SCMH1: variants seen among roughly 807,000 people sequenced by gnomAD.
SCMH1 encodes polycomb protein SCMH1.
In SCMH1, 37 loss-of-function variants were observed where a neutral mutation model predicts 70.8. The ratio of observed to expected loss-of-function variants is 0.52; its 90% CI spans 0.40 to 0.69. The LOEUF is 0.69. Among genes scored for constraint, SCMH1 ranks in the 30% least tolerant of loss-of-function variants. SCMH1 has a pLI of 0.00. For synonymous variants in SCMH1, 292 were observed against 307.4 expected, an observed-to-expected ratio of 0.95 and a Z score of 0.52; for missense variants, 607 against 827.3, an observed-to-expected ratio of 0.73 and a Z score of 3.27.
intron 2 of SCMH1, among the ~76,000 whole-genome samples, chr1:41,170,733 T>C (rs530272702): frequency 6.6e-6 from 1 of 152,222 alleles, no homozygotes; most frequent in Non-Finnish European, 1.5e-5. Context: ...AAGAGTTATC[T>C]GCAGTTATTG....
intron 5 of SCMH1, among the ~76,000 whole-genome samples, chr1:41,145,948 T>C (rs545529630): frequency 1.8e-4 from 28 of 152,242 alleles, no homozygotes; most frequent in Non-Finnish European, 3.7e-4. Context: ...ATGTGTTTAC[T>C]ATATATTTTA....
At chr1:41,136,751 T>C (rs1343302229) in intron 6 of SCMH1, among the ~76,000 whole-genome samples, 4 of 151,544 alleles carry the variant, frequency 2.6e-5, no homozygotes, top group Non-Finnish European at 5.9e-5. Context: ...TTCATGGACA[T>C]TTTTTCTCCC....
chr1:41,143,853 C>A (rs1391228121), intron 5 of SCMH1, among the ~76,000 whole-genome samples: 3 of 152,158 alleles, frequency 2.0e-5, no homozygotes, highest in African/African-American at 7.2e-5. Flanking sequence ...GATGTACTTT[C>A]TTTTTTGTCT....
chr1:41,033,426 G>C (rs1644833570), intron 13 of SCMH1, among the ~76,000 whole-genome samples: 1 of 152,136 alleles, frequency 6.6e-6, no homozygotes, highest in Non-Finnish European at 1.5e-5. Context: ...CAACTCATTT[G>C]ACCTTTAAAA....
chr1:41,142,417 A>G (rs1644178302), intron 6 of SCMH1, among the ~76,000 whole-genome samples: 1 of 152,216 alleles, frequency 6.6e-6, no homozygotes, highest in South Asian at 2.1e-4. Context: ...TTTTTATGTA[A>G]TAATGGATTC....
chr1:41,054,975 T>TAA (rs1306416868), intron 10 of SCMH1, among the ~76,000 whole-genome samples: 1 of 152,014 alleles, frequency 6.6e-6, no homozygotes, highest in East Asian at 1.9e-4. Flanking sequence ...TAGAGACGGG[T>TAA]TCTCACTATG....
chr1:41,155,984 C>CAAAAAAAAAAAAAAAA (rs386366781), intron 4 of SCMH1, among the ~76,000 whole-genome samples: 29 of 74,626 alleles, frequency 3.9e-4, no homozygotes, highest in African/African-American at 1.7e-3. Context: ...GACTCCGTCT[C>CAAAAAAAAAAAAAAAA]AAAAAAAAAA....
At chr1:41,088,299 G>C (rs1417727586) in intron 8 of SCMH1, among the ~76,000 whole-genome samples, 3 of 152,096 alleles carry the variant, frequency 2.0e-5, no homozygotes, top group Non-Finnish European at 4.4e-5. Flanking sequence ...AAGGAATAAG[G>C]TAGAAGAGAA....
At chr1:41,097,292 A>G (rs776232022) in intron 8 of SCMH1, among the ~76,000 whole-genome samples, 1 of 152,114 alleles carries the variant, frequency 6.6e-6, no homozygotes, top group Non-Finnish European at 1.5e-5. Context: ...GACACGGTCT[A>G]CCTCCAACTC....
intron 8 of SCMH1, among the ~76,000 whole-genome samples, chr1:41,084,872 C>T (rs886827698): frequency 6.7e-6 from 1 of 149,812 alleles, no homozygotes; most frequent in African/African-American, 2.5e-5. Flanking sequence ...TAAACTATCG[C>T]AAGAACAAAA....
At chr1:41,083,007 C>A (rs530299290) in intron 8 of SCMH1, among the ~76,000 whole-genome samples, 1 of 152,186 alleles carries the variant, frequency 6.6e-6, no homozygotes, top group Non-Finnish European at 1.5e-5. Context: ...GACAAACCCA[C>A]AGCCAATATC....
At chr1:41,065,308 G>A (rs1008245178) in intron 10 of SCMH1, among the ~76,000 whole-genome samples, 4 of 152,106 alleles carry the variant, frequency 2.6e-5, no homozygotes, top group South Asian at 2.1e-4. Context: ...GTGAGACCCC[G>A]TCTCTACAAA....
intron 8 of SCMH1, chr1:41,099,185 T>C (rs1005773709): frequency 3.6e-5 from 7 of 191,980 alleles, no homozygotes; most frequent in Admixed American, 1.0e-4. Context: ...CATAAAAATA[T>C]AGCAAATCTA....
intron 1 of SCMH1, among the ~76,000 whole-genome samples, chr1:41,219,781 C>A (rs1658862789): frequency 6.6e-6 from 1 of 152,006 alleles, no homozygotes; most frequent in Non-Finnish European, 1.5e-5. Context: ...TATGAACAAA[C>A]TTACCCGGGT....
At chr1:41,030,574 ATT>A (rs749802906) in intron 13 of SCMH1, among the ~76,000 whole-genome samples, 1 of 152,152 alleles carries the variant, frequency 6.6e-6, no homozygotes, top group Non-Finnish European at 1.5e-5. Flanking sequence ...TACCTCAAAT[ATT>A]GATTCCACAG....
chr1:41,097,804 T>C (rs1665495080), intron 8 of SCMH1, among the ~76,000 whole-genome samples: 1 of 152,258 alleles, frequency 6.6e-6, no homozygotes, highest in African/African-American at 2.4e-5. Context: ...AAGATCTGTC[T>C]AAAACACAAA....
chr1:41,086,514 G>A (rs889344969), intron 8 of SCMH1, among the ~76,000 whole-genome samples: 1 of 152,014 alleles, frequency 6.6e-6, no homozygotes, highest in African/African-American at 2.4e-5. Flanking sequence ...CAAACTTAAT[G>A]CAACCTCAAT....
intron 1 of SCMH1, among the ~76,000 whole-genome samples, chr1:41,211,204 GA>G (rs1656939168): frequency 6.6e-6 from 1 of 152,160 alleles, no homozygotes; most frequent in South Asian, 2.1e-4. Flanking sequence ...CACAGCAAAA[GA>G]AACTATCATC....
In SCMH1 at chr1:41,113,190, A is replaced by T; in HGVS notation, c.745+93T>A. The T allele has an allele frequency of 6.8e-7, 1 of 1,471,170 alleles. No homozygotes were observed. The highest frequency in any genetic ancestry group is 9.2e-7 in the Non-Finnish European group (1 of 1,092,186). 91.1% of individuals were successfully genotyped at this position (1,471,170 alleles called of 1,614,324 possible). A position where few individuals can be genotyped will look rare whatever the true frequency, so the allele number is the denominator to read the frequency against. On this transcript the variant is annotated intron_variant, in intron 8 of 14. Transcript: ENST00000337495. The surrounding 1 kb of genome is among the most constrained non-coding windows in gnomAD (Gnocchi z 4.3). The stretch of plus-strand genomic sequence containing the variant: ...CTTGCTCCTCCCCTGCATACTAGTG[A>T]AGTATACTGGTGAAGATATGATCAT...
Sources: allele counts gnomAD v4.1 joint callset (sites outside exome capture counted in the v4.1 genomes callset), GRCh38; gene constraint gnomAD v4.1.1; non-coding constraint Gnocchi (gnomAD v3.1); transcripts MANE v1.5; gene names NCBI Gene and HGNC (gene_info 2026-07-23, HGNC 2026-07-21).